GXYLT1: variants seen among roughly 807,000 people sequenced by gnomAD.
GXYLT1 encodes glycosyltransferase 8 domain containing 3.
A neutral mutation model predicts 54.0 loss-of-function variants in GXYLT1; 29 were observed. The ratio of observed to expected loss-of-function variants is 0.54; its 90% confidence interval spans 0.40 to 0.73. GXYLT1 has a LOEUF of 0.73. Among genes scored for constraint, GXYLT1 ranks in the 30% least tolerant of loss-of-function variants. The probability of loss-of-function intolerance (pLI) is 0.00; values close to 1 mark genes in which losing one functional copy is unlikely to be tolerated. For missense variants in GXYLT1, 490 were observed against 553.4 expected (o/e 0.89, Z 1.15); for synonymous variants, 176 against 204.1 (o/e 0.86, Z 1.17).
chr12:42,115,121 G>T (rs1262402986), intron 3 of GXYLT1, among the ~76,000 whole-genome samples: 2 of 152,098 alleles, frequency 1.3e-5, no homozygotes, highest in Non-Finnish European at 2.9e-5. Flanking sequence ...GGTATTGATG[G>T]GACGTATCTC....
chr12:42,124,895 G>T (rs2065551720), intron 2 of GXYLT1, among the ~76,000 whole-genome samples: 1 of 152,160 alleles, frequency 6.6e-6, no homozygotes, highest in African/African-American at 2.4e-5. Flanking sequence ...ATCTAACCTG[G>T]TATTGGGGAA....
intron 3 of GXYLT1, 98 bp from the exon 4 acceptor site, chr12:42,109,789 GATAAT>G: frequency 1.4e-6 from 1 of 713,278 alleles, no homozygotes; most frequent in East Asian, 3.2e-5. Context: ...TAAAAATTAA[GATAAT>G]ATACATTTTA....
chr12:42,099,203 C>T (rs951154793), intron 5 of GXYLT1, among the ~76,000 whole-genome samples: 1 of 152,166 alleles, frequency 6.6e-6, no homozygotes, highest in Non-Finnish European at 1.5e-5. Flanking sequence ...ACCCTGCTAA[C>T]AAAAGTATTT....
intron 1 of GXYLT1, among the ~76,000 whole-genome samples, chr12:42,140,563 G>C (rs1592130072): frequency 9.3e-6 from 1 of 107,422 alleles, no homozygotes; most frequent in East Asian, 3.0e-4. Context: ...CAAGTTCAAG[G>C]TCAACACAGT....
Position 42,144,576 on chromosome 12 carries a change from C to G in GXYLT1, c.71G>C (p.Ser24Thr), listed in dbSNP as rs748584328. 3.4e-6 allele frequency: 5 copies of G among 1,472,372 alleles called. No homozygotes were observed. The Admixed American group carries it at 1.1e-4, about 32-fold the overall frequency. The allele number at this position is 1,472,372 out of a possible 1,614,324, so 91.2% of individuals were successfully genotyped here. Reference protein sequence around the residue: ...CGFCSLLYAFSQLAVSLEEGT... With the variant: ...CGFCSLLYAFTQLAVSLEEGT... ...TTCTTCCAGGGACACGGCGAGCTGG[C>G]TGAAAGCGTAAAGGAGCGAGCAGAA... The change falls in exon 1 of 8, where the codon AGC becomes ACC. Residue 24 changes from serine to threonine, a missense_variant. Ser to Thr is a moderately conservative substitution (Grantham distance 58, BLOSUM62 1). Transcript: ENST00000398675.
At chr12:42,137,046 G>T (rs1284085665) in intron 1 of GXYLT1, among the ~76,000 whole-genome samples, 1 of 152,070 alleles carries the variant, frequency 6.6e-6, no homozygotes, top group Non-Finnish European at 1.5e-5. Context: ...AGGATTACAG[G>T]TACGAGCCAC....
chr12:42,092,870 T>C (rs759043611), intron 7 of GXYLT1, among the ~76,000 whole-genome samples: 5 of 151,302 alleles, frequency 3.3e-5, no homozygotes, highest in Non-Finnish European at 7.4e-5. Context: ...AAAAAAAAAA[T>C]CACAAAATAA....
rs1375180640 is a variant in GXYLT1, at chr12:42,085,442, TTA to T, written c.*2342_*2343del. The T allele has an allele frequency of 1.5e-5, 2 of 134,908 alleles. No individual in the cohort carries two copies. The highest frequency in any genetic ancestry group is 3.4e-5 in the Non-Finnish European group (2 of 59,584). The allele number at this position is 134,908 out of a possible 1,614,324, so 8.4% of individuals were successfully genotyped here. ...AGATTCTCCGTTCACTGAGGAAATT[TTA>T]TCTTATCAAACTTACTAATATAAAT... On this transcript the variant is annotated 3_prime_UTR_variant, in exon 8 of 8. Transcript: ENST00000398675.
Position 42,111,184 on chromosome 12 carries a change from C to T in GXYLT1, c.487-1493G>A, listed in dbSNP as rs1353423221. 5.9e-5 allele frequency among the ~76,000 whole-genome samples: 9 copies of T among 152,216 alleles called. No individual in the cohort carries two copies. In the South Asian group the frequency reaches 1.2e-3, roughly 21 times the overall value. The stretch of plus-strand genomic sequence containing the variant: ...ATGGCCGAATAGGAACAGCTTTGGT[C>T]GACAGCTCCCAGCGTCAGCAACGCA... On this transcript the variant is annotated intron_variant, in intron 3 of 7. Transcript: ENST00000398675.
At chr12:42,136,843 G>C (rs1036972270) in intron 1 of GXYLT1, among the ~76,000 whole-genome samples, 2 of 151,744 alleles carry the variant, frequency 1.3e-5, no homozygotes, top group African/African-American at 4.8e-5. Flanking sequence ...GTGCGAACAC[G>C]GTTCATTGCA....
At position 42,144,650 on chromosome 12, in the gene GXYLT1, C is replaced by T. The variant is rs747142765; in HGVS notation, c.-4G>A. The T allele has an allele frequency of 1.4e-6, 2 of 1,439,958 alleles. No individual in the cohort carries two copies. The highest frequency in any genetic ancestry group is 3.0e-5 in the East Asian group (1 of 33,582). The allele number at this position is 1,439,958 out of a possible 1,614,324, so 89.2% of individuals were successfully genotyped here. Reference sequence around the variant, plus strand: ...CGACGCGCAGGTAGCGCCGCATCGCCCCGGCCGCGCTCCTCCTTCGCCGCC... The same window carrying T: ...CGACGCGCAGGTAGCGCCGCATCGCTCCGGCCGCGCTCCTCCTTCGCCGCC... On this transcript the variant is annotated 5_prime_UTR_variant, in exon 1 of 8. Coordinates refer to ENST00000398675, the MANE Select transcript of GXYLT1 (RefSeq NM_173601.2).
chr12:42,094,466 T>C (rs1335335360), intron 7 of GXYLT1, among the ~76,000 whole-genome samples: 1 of 151,688 alleles, frequency 6.6e-6, no homozygotes, highest in Non-Finnish European at 1.5e-5. Context: ...AAGACCAGCC[T>C]GAGAAACACA....
intron 2 of GXYLT1, among the ~76,000 whole-genome samples, chr12:42,120,490 C>A (rs1267110675): frequency 1.3e-5 from 2 of 152,164 alleles, no homozygotes; most frequent in Non-Finnish European, 2.9e-5. Context: ...TGTGCCACTT[C>A]TTTCACGTCT....
intron 5 of GXYLT1, among the ~76,000 whole-genome samples, chr12:42,099,252 T>C (rs1052712227): frequency 3.9e-5 from 6 of 152,198 alleles, no homozygotes; most frequent in Non-Finnish European, 7.3e-5. Flanking sequence ...ATATCAACAC[T>C]GTTTTCAGGA....
chr12:42,144,638 G>A lies in GXYLT1; in HGVS notation c.9C>T (p.Arg3=), dbSNP rs1451268551. The A allele has an allele frequency of 7.6e-6, 11 of 1,454,636 alleles. No homozygotes were observed. Among genetic ancestry groups the A allele is most frequent in the Admixed American group, 2.3e-5 (1 of 43,838 alleles). The allele number at this position is 1,454,636 out of a possible 1,614,324, so 90.1% of individuals were successfully genotyped here. MR[R]YLRVVVLCVA... is the part of the protein sequence containing the mutation. Reference sequence around the variant, plus strand: ...CACACAGCACCACGACGCGCAGGTAGCGCCGCATCGCCCCGGCCGCGCTCC... The same window carrying A: ...CACACAGCACCACGACGCGCAGGTAACGCCGCATCGCCCCGGCCGCGCTCC... Residue 3 remains arginine, a synonymous_variant, in exon 1 of 8, where the codon CGC becomes CGT. Transcript: ENST00000398675.
intron 1 of GXYLT1, among the ~76,000 whole-genome samples, chr12:42,142,893 C>G (rs966742271): frequency 2.6e-4 from 39 of 152,028 alleles, no homozygotes; most frequent in African/African-American, 8.9e-4. Flanking sequence ...CTTAGATGTA[C>G]GCCTCATTTA....
intron 5 of GXYLT1, among the ~76,000 whole-genome samples, chr12:42,103,538 C>T (rs969519420): frequency 3.3e-5 from 5 of 151,888 alleles, no homozygotes; most frequent in African/African-American, 9.7e-5. Flanking sequence ...AAAACCAAGA[C>T]AATGTTTTGC....
In GXYLT1 at chr12:42,144,704, G is replaced by T. The variant is rs2065672603; in HGVS notation, c.-58C>A. On this transcript the variant is annotated 5_prime_UTR_variant, in exon 1 of 8. Coordinates refer to ENST00000398675, the MANE Select transcript of GXYLT1 (RefSeq NM_173601.2). ...GCCGCGCCCGCCCCGACGAACTGGA[G>T]CGGAGGGAGGGGCACCGCGCAGCCG... is the stretch of plus-strand genomic sequence containing the variant. The T allele has an allele frequency of 9.5e-6, 11 of 1,154,518 alleles. No individual in the cohort carries two copies. Among genetic ancestry groups the T allele is most frequent in the Non-Finnish European group, 1.3e-5 (11 of 866,894 alleles). The allele number at this position is 1,154,518 out of a possible 1,614,324, so 71.5% of individuals were successfully genotyped here.
intron 1 of GXYLT1, among the ~76,000 whole-genome samples, chr12:42,134,887 T>G (rs1016722676): frequency 1.3e-5 from 2 of 152,214 alleles, no homozygotes; most frequent in Non-Finnish European, 2.9e-5. Context: ...CAGGAGTCCT[T>G]AAAGACCTTC....
Sources: allele counts gnomAD v4.1 joint callset (sites outside exome capture counted in the v4.1 genomes callset), GRCh38; gene constraint gnomAD v4.1.1; transcripts MANE v1.5; gene names NCBI Gene and HGNC (gene_info 2026-07-23, HGNC 2026-07-21).